LRP1B: variants seen among roughly 807,000 people sequenced by gnomAD.
The protein encoded by LRP1B is LDL receptor related protein 1B.
Under a neutral mutation model 556.6 loss-of-function variants are expected in LRP1B, and 217 were observed. That is an observed-to-expected ratio of 0.39 (90% confidence interval 0.35 to 0.44). LRP1B has a LOEUF of 0.44. LRP1B is among the 20% of genes least tolerant of loss of function. The pLI is 1.00. For synonymous variants in LRP1B, 2,047 were observed against 1,865.8 expected (o/e 1.10, Z -2.50); for missense variants, 5,053 against 5,620.8 (o/e 0.90, Z 3.23).
At chr2:142,059,541 G>GTT (rs5834895) in intron 1 of LRP1B, among the ~76,000 whole-genome samples, 16 of 151,674 alleles carry the variant, frequency 1.1e-4, no homozygotes, top group African/African-American at 2.7e-4. Context: ...AGTTTTTATT[G>GTT]TTTTTTTAAA....
chr2:141,024,672 G>T (rs1046006057), intron 11 of LRP1B, among the ~76,000 whole-genome samples: 25 of 152,026 alleles, frequency 1.6e-4, no homozygotes, highest in African/African-American at 4.8e-4. Flanking sequence ...TTACAAGTTT[G>T]CCTGTTTTTG....
intron 9 of LRP1B, among the ~76,000 whole-genome samples, chr2:141,057,991 G>C (rs928780513): frequency 1.3e-5 from 2 of 151,670 alleles, no homozygotes; most frequent in Non-Finnish European, 2.9e-5. Context: ...AATTTACTTA[G>C]TTATTTTGTA....
intron 3 of LRP1B, among the ~76,000 whole-genome samples, chr2:141,392,379 T>A (rs759838084): frequency 6.9e-6 from 1 of 145,920 alleles, no homozygotes; most frequent in Non-Finnish European, 1.5e-5. Context: ...GGTGAGTAAA[T>A]GCATGTGGTA....
At chr2:141,710,758 A>G (rs1033598508) in intron 2 of LRP1B, among the ~76,000 whole-genome samples, 1 of 152,224 alleles carries the variant, frequency 6.6e-6, no homozygotes, top group African/African-American at 2.4e-5. Context: ...CAGGTCATGG[A>G]GGATGTGGAA....
intron 82 of LRP1B, among the ~76,000 whole-genome samples, chr2:140,319,954 C>A (rs1558797855): frequency 6.6e-6 from 1 of 152,142 alleles, no homozygotes; most frequent in Non-Finnish European, 1.5e-5. Flanking sequence ...AATTTTCCAA[C>A]CTTATTACCC....
chr2:140,273,660 A>G (rs529616555), intron 85 of LRP1B, among the ~76,000 whole-genome samples: 1 of 151,980 alleles, frequency 6.6e-6, no homozygotes, highest in African/African-American at 2.4e-5. Flanking sequence ...CTTATTTATT[A>G]TACTCCCAAG....
intron 1 of LRP1B, among the ~76,000 whole-genome samples, chr2:141,947,764 A>G (rs1413856438): frequency 6.6e-6 from 1 of 151,806 alleles, no homozygotes; most frequent in Non-Finnish European, 1.5e-5. Flanking sequence ...TAAAATACTT[A>G]TCTCTAAAAT....
chr2:140,536,342 A>AG (rs1553482647), intron 46 of LRP1B, among the ~76,000 whole-genome samples: 3 of 104,774 alleles, frequency 2.9e-5, no homozygotes, highest in Non-Finnish European at 6.5e-5. Context: ...AAAAAAAAAA[A>AG]GGCTATTTTG....
Position 141,188,484 on chromosome 2 carries a change from C to T in LRP1B, c.950G>A (p.Cys317Tyr), listed in dbSNP as rs1423527639. The part of the protein sequence containing the change: ...IFVCNSNGSV[C>Y]VTLIDLELHN... The stretch of plus-strand genomic sequence containing the variant: ...AAGCTCCAGATCAATCAGGGTGACA[C>T]ATACAGAACCGTTGGAATTACAAAC... The change falls in exon 7 of 91, where the codon TGT becomes TAT. Residue 317 changes from cysteine to tyrosine, a missense_variant. By Grantham distance (194) the Cys-to-Tyr change is radical. This residue lies in a region of LRP1B where 3,619 missense variants were observed against 3,931.9 expected (regional missense o/e 0.92). Coordinates refer to ENST00000389484, the MANE Select transcript of LRP1B (RefSeq NM_018557.3). The T allele has an allele frequency of 1.2e-6, 2 of 1,612,642 alleles. No individual in the cohort carries two copies. Among genetic ancestry groups the T allele is most frequent in the Non-Finnish European group, 1.7e-6 (2 of 1,179,214 alleles).
intron 23 of LRP1B, among the ~76,000 whole-genome samples, chr2:140,893,290 C>A (rs147855611): frequency 0.011 from 1,653 of 152,254 alleles, 15 homozygotes; most frequent in Non-Finnish European, 0.016. Flanking sequence ...TCATATGTTT[C>A]ATAAGGGATA....
intron 55 of LRP1B, among the ~76,000 whole-genome samples, chr2:140,497,017 G>A (rs1280040952): frequency 2.0e-5 from 3 of 151,148 alleles, no homozygotes; most frequent in African/African-American, 7.3e-5. Flanking sequence ...TAAAAAATCA[G>A]GAAACAATTT....
intron 20 of LRP1B, among the ~76,000 whole-genome samples, chr2:140,943,897 A>G (rs1302323376): frequency 6.6e-6 from 1 of 152,132 alleles, no homozygotes; most frequent in Non-Finnish European, 1.5e-5. Flanking sequence ...AAAGGCTAGC[A>G]GAAGAAAAGA....
At chr2:142,019,543 C>T (rs1302441301) in intron 1 of LRP1B, among the ~76,000 whole-genome samples, 3 of 152,096 alleles carry the variant, frequency 2.0e-5, no homozygotes, top group African/African-American at 7.2e-5. Flanking sequence ...TAGAGTCCAC[C>T]ACACTCTATT....
chr2:142,049,628 C>A (rs763643180), intron 1 of LRP1B, among the ~76,000 whole-genome samples: 10 of 152,074 alleles, frequency 6.6e-5, no homozygotes, highest in Non-Finnish European at 1.5e-4. Flanking sequence ...TAATGCCTCA[C>A]GATTCCCATG....
At chr2:140,918,731 T>C (rs1453519177) in intron 21 of LRP1B, among the ~76,000 whole-genome samples, 1 of 152,002 alleles carries the variant, frequency 6.6e-6, no homozygotes, top group Non-Finnish European at 1.5e-5. Context: ...ATTGGGAGGT[T>C]TGGGAGGTAA....
At chr2:141,818,987 T>C (rs1047224654) in intron 1 of LRP1B, among the ~76,000 whole-genome samples, 2 of 151,678 alleles carry the variant, frequency 1.3e-5, no homozygotes, top group African/African-American at 4.8e-5. Flanking sequence ...ACGCCTGTAA[T>C]CCCAGCACTT....
chr2:140,707,508 A>G, intron 37 of LRP1B, among the ~76,000 whole-genome samples: 1 of 152,112 alleles, frequency 6.6e-6, no homozygotes, highest in East Asian at 1.9e-4. Context: ...GTAATTTCCA[A>G]TTTCTTAGCA....
At chr2:141,658,088 A>T (rs1690081772) in intron 2 of LRP1B, among the ~76,000 whole-genome samples, 1 of 152,204 alleles carries the variant, frequency 6.6e-6, no homozygotes, top group African/African-American at 2.4e-5. Context: ...GCAGATAGTC[A>T]AATTATCTCA....
chr2:141,836,627 C>G (rs1174702823), intron 1 of LRP1B, among the ~76,000 whole-genome samples: 2 of 151,944 alleles, frequency 1.3e-5, no homozygotes, highest in Non-Finnish European at 2.9e-5. Flanking sequence ...AATTTTGTAA[C>G]ACATATATCA....
Sources: allele counts gnomAD v4.1 joint callset (sites outside exome capture counted in the v4.1 genomes callset), GRCh38; gene constraint gnomAD v4.1.1; regional missense constraint gnomAD v4.1.1; transcripts MANE v1.5; gene names NCBI Gene and HGNC (gene_info 2026-07-23, HGNC 2026-07-21).